The following PARN variants were observed in gnomAD, a reference collection of about 807,000 sequenced individuals.
The protein encoded by PARN is poly(A)-specific ribonuclease PARN.
Under a neutral mutation model 102.8 loss-of-function variants are expected in PARN, and 71 were observed. The ratio of observed to expected loss-of-function variants is 0.69; its 90% CI spans 0.57 to 0.84. PARN has a LOEUF of 0.84. PARN is among the 40% of genes least tolerant of loss of function. PARN has a pLI of 0.00. For synonymous variants in PARN, 261 were observed against 252.9 expected (o/e 1.03, Z -0.30); for missense variants, 782 against 760.9 (o/e 1.03, Z -0.33).
At chr16:14,568,923 A>T (rs113694043) in intron 18 of PARN, among the ~76,000 whole-genome samples, 138 of 151,976 alleles carry the variant, frequency 9.1e-4, no homozygotes, top group Admixed American at 1.6e-3. Context: ...TAAATTTTTT[A>T]AAAAAAGTGC....
chr16:14,474,418 G>C (rs1962926690), intron 22 of PARN, among the ~76,000 whole-genome samples: 1 of 152,074 alleles, frequency 6.6e-6, no homozygotes, highest in Non-Finnish European at 1.5e-5. Flanking sequence ...TCCACTATAA[G>C]GATTTTCAAA....
At chr16:14,511,807 C>A (rs1965203628) in intron 21 of PARN, among the ~76,000 whole-genome samples, 1 of 152,140 alleles carries the variant, frequency 6.6e-6, no homozygotes, top group African/African-American at 2.4e-5. Context: ...CTCAAGCAAT[C>A]CTCCTGCCTC....
At chr16:14,436,878 C>T (rs140630801) in intron 23 of PARN, 106 bp from the exon 24 acceptor site, 63 of 798,068 alleles carry the variant, frequency 7.9e-5, no homozygotes, top group Admixed American at 1.5e-4. Context: ...CGGCTGCAGA[C>T]GGGGCCAGCG....
chr16:14,590,251 AAAAAAAGGTAGG>A (rs1330132093), intron 13 of PARN, among the ~76,000 whole-genome samples: 1 of 149,882 alleles, frequency 6.7e-6, no homozygotes, highest in African/African-American at 2.5e-5. Flanking sequence ...AAAAAAAAAA[AAAAAAAGGTAGG>A]AAAGAGAAGA....
intron 21 of PARN, among the ~76,000 whole-genome samples, chr16:14,527,202 A>G (rs895159923): frequency 2.6e-5 from 4 of 152,236 alleles, no homozygotes; most frequent in African/African-American, 9.6e-5. Context: ...AAATGAGAGT[A>G]AACAGCTGAA....
intron 18 of PARN, 143 bp from the exon 19 acceptor site, chr16:14,555,852 T>C (rs1967651877): frequency 4.2e-6 from 2 of 478,472 alleles, no homozygotes; most frequent in Admixed American, 8.1e-5. Context: ...ATCACTCTAT[T>C]TGTAAAATTA....
At chr16:14,591,178 C>A (rs1466093485) in intron 13 of PARN, among the ~76,000 whole-genome samples, 3 of 151,934 alleles carry the variant, frequency 2.0e-5, no homozygotes, top group Non-Finnish European at 2.9e-5. Flanking sequence ...ATCATGAGGC[C>A]AGGAGATCGA....
At chr16:14,553,255 T>TA (rs1567377509) in intron 20 of PARN, among the ~76,000 whole-genome samples, 965 of 30,680 alleles carry the variant, frequency 0.031, 10 homozygotes, top group African/African-American at 0.099. Flanking sequence ...CTATTTCTAT[T>TA]TAAAAAAAAA....
intron 21 of PARN, among the ~76,000 whole-genome samples, chr16:14,490,176 A>G (rs1963984037): frequency 2.0e-5 from 3 of 152,250 alleles, no homozygotes; most frequent in Non-Finnish European, 4.4e-5. Flanking sequence ...AAATAAATAA[A>G]TAAAAATAAA....
chr16:14,445,279 T>C (rs904625053), intron 23 of PARN, among the ~76,000 whole-genome samples: 1 of 152,146 alleles, frequency 6.6e-6, no homozygotes, highest in South Asian at 2.1e-4. Context: ...AAAAAGCATA[T>C]GTGACATTTT....
intron 12 of PARN, among the ~76,000 whole-genome samples, chr16:14,599,436 T>C (rs1970745622): frequency 6.6e-6 from 1 of 152,204 alleles, no homozygotes; most frequent in Admixed American, 6.5e-5. Context: ...GGCCAATATC[T>C]TTTTAAAACA....
intron 22 of PARN, among the ~76,000 whole-genome samples, chr16:14,447,841 C>T (rs1316184100): frequency 2.0e-5 from 3 of 152,226 alleles, no homozygotes; most frequent in African/African-American, 7.2e-5. Flanking sequence ...TCAAGGCATT[C>T]TATTTAGGAG....
chr16:14,510,127 T>C (rs370744243), intron 21 of PARN, among the ~76,000 whole-genome samples: 2 of 152,286 alleles, frequency 1.3e-5, no homozygotes, highest in East Asian at 3.9e-4. Context: ...GCCAGGGCAT[T>C]TCAGGCATCT....
At chr16:14,529,615 A>G (rs1478908884) in intron 21 of PARN, among the ~76,000 whole-genome samples, 1 of 152,140 alleles carries the variant, frequency 6.6e-6, no homozygotes, top group African/African-American at 2.4e-5. Context: ...TGGCTGTGCA[A>G]AAAGGTTCTC....
intron 18 of PARN, among the ~76,000 whole-genome samples, chr16:14,564,438 C>T (rs1032177901): frequency 2.0e-5 from 3 of 152,102 alleles, no homozygotes; most frequent in Non-Finnish European, 2.9e-5. Flanking sequence ...GCCATGTGGC[C>T]GGAGATCAAA....
intron 21 of PARN, among the ~76,000 whole-genome samples, chr16:14,524,691 A>C (rs1490488107): frequency 6.6e-6 from 1 of 152,252 alleles, no homozygotes; most frequent in Non-Finnish European, 1.5e-5. Context: ...AAAATATCTC[A>C]GAAACAATAT....
chr16:14,471,993 A>G (rs555844159), intron 22 of PARN, among the ~76,000 whole-genome samples: 1 of 152,292 alleles, frequency 6.6e-6, no homozygotes, highest in Non-Finnish European at 1.5e-5. Context: ...TCTTTATGTG[A>G]TGCTACTCTC....
At chr16:14,627,775 G>A (rs1972767519) in intron 3 of PARN, among the ~76,000 whole-genome samples, 1 of 152,106 alleles carries the variant, frequency 6.6e-6, no homozygotes, top group South Asian at 2.1e-4. Flanking sequence ...ATCATTTGAC[G>A]CCAGAAGTTC....
chr16:14,573,924 T>C (rs1389715235), intron 18 of PARN, among the ~76,000 whole-genome samples: 4 of 152,130 alleles, frequency 2.6e-5, no homozygotes, highest in Non-Finnish European at 5.9e-5. Context: ...AGCATGAAAA[T>C]AGACTAATAC....
Sources: allele counts gnomAD v4.1 joint callset (sites outside exome capture counted in the v4.1 genomes callset), GRCh38; gene constraint gnomAD v4.1.1; transcripts MANE v1.5; gene names NCBI Gene and HGNC (gene_info 2026-07-23, HGNC 2026-07-21).